The following GLIS3 variants were observed in gnomAD, a reference collection of about 807,000 sequenced individuals.
GLIS3 encodes GLIS family zinc finger 3, also known as zinc finger protein GLIS3.
Under a neutral mutation model 78.6 loss-of-function variants are expected in GLIS3, and 53 were observed. The ratio of observed to expected loss-of-function variants is 0.67; its 90% CI spans 0.54 to 0.85. The LOEUF is 0.85. GLIS3 is among the 40% of genes least tolerant of loss of function. The pLI is 0.00. For synonymous variants in GLIS3, 684 were observed against 509.9 expected (o/e 1.34, Z -4.60); for missense variants, 1,703 against 1,231.1 (o/e 1.38, Z -5.74).
At chr9:4,231,652 T>A (rs1261150284) in intron 2 of GLIS3, among the ~76,000 whole-genome samples, 9 of 152,160 alleles carry the variant, frequency 5.9e-5, no homozygotes, top group African/African-American at 1.9e-4. Flanking sequence ...AAAATAAACG[T>A]CAAGGCCAAC....
chr9:4,411,831 A>G, the GLIS3 span, among the ~76,000 whole-genome samples: 1 of 152,230 alleles, frequency 6.6e-6, no homozygotes, highest in Non-Finnish European at 1.5e-5. Context: ...CAAGCTTTCA[A>G]TGTGTTCTCT....
At chr9:4,196,845 A>G (rs1818903859) in intron 2 of GLIS3, among the ~76,000 whole-genome samples, 2 of 152,238 alleles carry the variant, frequency 1.3e-5, no homozygotes, top group South Asian at 4.1e-4. Context: ...AACCAAGTCC[A>G]GCTTGGCAAC....
At chr9:3,829,194 C>A (rs573367918) in intron 10 of GLIS3, 116 bp downstream of exon 10, 1 of 863,082 alleles carries the variant, frequency 1.2e-6, no homozygotes, top group Non-Finnish European at 2.0e-6. Context: ...GGTCGTTCAA[C>A]AGGATTTGAT....
chr9:3,892,772 G>C (rs951365428), intron 7 of GLIS3, among the ~76,000 whole-genome samples: 3 of 152,050 alleles, frequency 2.0e-5, no homozygotes, highest in South Asian at 4.1e-4. Flanking sequence ...CAGAACTTTA[G>C]ACTCAGCAGT....
chr9:4,195,176 G>T (rs1344120856), intron 2 of GLIS3, among the ~76,000 whole-genome samples: 2 of 152,234 alleles, frequency 1.3e-5, no homozygotes, highest in East Asian at 3.8e-4. Flanking sequence ...GCGCCTCCTC[G>T]GCCTCGGCGT....
At chr9:4,195,537 G>A (rs774885358) in intron 2 of GLIS3, among the ~76,000 whole-genome samples, 1 of 152,228 alleles carries the variant, frequency 6.6e-6, no homozygotes, top group African/African-American at 2.4e-5. Context: ...CCTCCCCATG[G>A]GGCAGGGCTC....
At chr9:4,009,523 G>A (rs529329248) in intron 4 of GLIS3, among the ~76,000 whole-genome samples, 10 of 152,282 alleles carry the variant, frequency 6.6e-5, no homozygotes, top group East Asian at 3.9e-4. Flanking sequence ...GACCAGTTTC[G>A]TGCTGGGGAC....
chr9:4,052,100 T>C (rs1047546832), intron 4 of GLIS3, among the ~76,000 whole-genome samples: 3 of 152,196 alleles, frequency 2.0e-5, no homozygotes, highest in African/African-American at 7.2e-5. Context: ...ACCTGAATAT[T>C]TGCATACCTG....
the GLIS3 span, among the ~76,000 whole-genome samples, chr9:4,364,025 A>G: frequency 3.3e-5 from 5 of 152,252 alleles, no homozygotes; most frequent in Non-Finnish European, 7.3e-5. Flanking sequence ...AACAGTAGGT[A>G]GCATATAATC....
intron 4 of GLIS3, among the ~76,000 whole-genome samples, chr9:4,063,372 A>C (rs1185329381): frequency 1.3e-5 from 2 of 152,212 alleles, no homozygotes; most frequent in African/African-American, 2.4e-5. Context: ...TCAGTTCAGG[A>C]AAGCATAACA....
intron 1 of GLIS3, among the ~76,000 whole-genome samples, chr9:4,287,418 G>T (rs1206139706): frequency 1.3e-5 from 2 of 152,190 alleles, no homozygotes; most frequent in Non-Finnish European, 2.9e-5. Context: ...CCCACGTGAT[G>T]ATGCCGGGTT....
chr9:3,948,184 C>T (rs1425614917), intron 4 of GLIS3, among the ~76,000 whole-genome samples: 1 of 152,172 alleles, frequency 6.6e-6, no homozygotes, highest in Non-Finnish European at 1.5e-5. Flanking sequence ...TGGAACTTTT[C>T]TGCATAGCTT....
the GLIS3 span, among the ~76,000 whole-genome samples, chr9:4,455,970 C>T: frequency 1.3e-5 from 2 of 151,962 alleles, no homozygotes; most frequent in African/African-American, 4.8e-5. Flanking sequence ...AAAAATTAGC[C>T]GGGTGTGGTG....
intron 2 of GLIS3, among the ~76,000 whole-genome samples, chr9:4,315,785 C>A (rs879321746): frequency 6.6e-6 from 1 of 152,036 alleles, no homozygotes; most frequent in Non-Finnish European, 1.5e-5. Context: ...GTGACTTGGG[C>A]CGTCAGTAGG....
intron 6 of GLIS3, among the ~76,000 whole-genome samples, chr9:3,927,404 T>C (rs10974179): frequency 0.15 from 22,902 of 152,216 alleles, 2,001 homozygotes; most frequent in East Asian, 0.28. Context: ...CTGAGAACTA[T>C]TGCAAGAAAG....
chr9:4,214,791 C>T (rs962450584), intron 2 of GLIS3, among the ~76,000 whole-genome samples: 2 of 152,144 alleles, frequency 1.3e-5, no homozygotes, highest in African/African-American at 2.4e-5. Flanking sequence ...TTACAAATTG[C>T]GTAGCTGGGA....
chr9:4,194,114 G>C (rs995001017), intron 2 of GLIS3, among the ~76,000 whole-genome samples: 4 of 152,178 alleles, frequency 2.6e-5, no homozygotes, highest in African/African-American at 9.7e-5. Context: ...CTGGAGTGCA[G>C]TGGTGCGATC....
In GLIS3 at chr9:4,037,547, AACACACACACACAC is replaced by A. The variant is rs56254712; in HGVS notation, c.1710+80207_1710+80220del. On this transcript the variant is annotated intron_variant, in intron 4 of 10. Coordinates refer to ENST00000381971, the MANE Select transcript of GLIS3 (RefSeq NM_001042413.2). ...GCAGTGGGCAGATGTGTGTGCACAC[AACACACACACACAC>A]ACACACACACACACACACACACAGA... is the stretch of plus-strand genomic sequence containing the variant. 6.0e-3 allele frequency among the ~76,000 whole-genome samples: 884 copies of A among 147,484 alleles called. 10 individuals are homozygous for A. The highest frequency in any genetic ancestry group is 0.03 in the East Asian group (151 of 4,962).
chr9:4,267,601 G>A (rs562977606), intron 2 of GLIS3, among the ~76,000 whole-genome samples: 1 of 152,184 alleles, frequency 6.6e-6, no homozygotes, highest in Non-Finnish European at 1.5e-5. Context: ...GTCTATGTCT[G>A]GCACATCTTA....
Sources: allele counts gnomAD v4.1 joint callset (sites outside exome capture counted in the v4.1 genomes callset), GRCh38; gene constraint gnomAD v4.1.1; transcripts MANE v1.5; gene names NCBI Gene and HGNC (gene_info 2026-07-23, HGNC 2026-07-21).